The following TENM2 variants were observed in gnomAD, a reference collection of about 807,000 sequenced individuals.
TENM2 encodes the protein teneurin-2.
Under a neutral mutation model 245.2 loss-of-function variants are expected in TENM2, and 52 were observed. The ratio of observed to expected loss-of-function variants is 0.21; its 90% CI spans 0.17 to 0.27. The LOEUF is 0.27. Ranked by LOEUF, TENM2 falls within the 10% of genes least tolerant of loss-of-function variation. The pLI, the probability that TENM2 is intolerant of heterozygous loss-of-function variation, is 1.00. For synonymous variants in TENM2, 1,363 were observed against 1,438.9 expected (o/e 0.95, Z 1.19); for missense variants, 3,046 against 3,666.8 (o/e 0.83, Z 4.37).
intron 7 of TENM2, among the ~76,000 whole-genome samples, chr5:168,067,642 A>T (rs1790625510): frequency 6.6e-6 from 1 of 152,154 alleles, no homozygotes; most frequent in African/African-American, 2.4e-5. Flanking sequence ...TAAGTAAGCA[A>T]ACCTGCACAT....
chr5:167,396,302 A>G (rs1218914295), intron 2 of TENM2, among the ~76,000 whole-genome samples: 1 of 152,168 alleles, frequency 6.6e-6, no homozygotes, highest in Non-Finnish European at 1.5e-5. Context: ...ATCCTGCCAT[A>G]TGATACAACA....
At chr5:167,212,441 AACTGCTAAATG>A in the TENM2 span, among the ~76,000 whole-genome samples, 1 of 152,150 alleles carries the variant, frequency 6.6e-6, no homozygotes, top group African/African-American at 2.4e-5. Flanking sequence ...CTTGAAAATT[AACTGCTAAATG>A]ACTTTGAAGA....
At chr5:167,473,533 C>T (rs772391902) in intron 2 of TENM2, among the ~76,000 whole-genome samples, 6 of 151,994 alleles carry the variant, frequency 3.9e-5, no homozygotes, top group South Asian at 4.1e-4. Flanking sequence ...CTTTTATTGC[C>T]GTATATTCTA....
chr5:167,280,413 G>A (rs949629977), upstream of TENM2, among the ~76,000 whole-genome samples: 1 of 152,156 alleles, frequency 6.6e-6, no homozygotes, highest in Non-Finnish European at 1.5e-5. Context: ...AGCACCCTGT[G>A]AAGAGGAGAG....
chr5:168,047,522 G>A lies in TENM2; in HGVS notation c.1282G>A (p.Val428Met), dbSNP rs566332824. The change falls in exon 6 of 29, where the codon GTG (valine) becomes ATG (methionine). Residue 428 changes from valine (V) to methionine (M), a missense_variant. Val to Met is a conservative substitution (Grantham distance 21). This residue lies in a region of TENM2 where 2,704 missense variants were observed against 3,331.9 expected (regional missense o/e 0.81). Transcript: ENST00000518659. Reference sequence around the variant, plus strand: ...GACCGGCTTACCAGGAAACGATGATGTGGCAACAATGCCATCTGGAGGCAA... The same window carrying A: ...GACCGGCTTACCAGGAAACGATGATATGGCAACAATGCCATCTGGAGGCAA... The A allele has an allele frequency of 5.8e-6, 9 of 1,551,744 alleles. No homozygotes were observed. In the East Asian group the frequency reaches 1.5e-4, roughly 25 times the overall value.
At chr5:167,491,021 G>A (rs1768398325) in intron 2 of TENM2, among the ~76,000 whole-genome samples, 1 of 152,088 alleles carries the variant, frequency 6.6e-6, no homozygotes, top group African/African-American at 2.4e-5. Context: ...ATTTGTCTAG[G>A]AATCAATCAC....
At chr5:167,351,055 A>G (rs796222049) in intron 1 of TENM2, among the ~76,000 whole-genome samples, 1 of 76,608 alleles carries the variant, frequency 1.3e-5, no homozygotes, top group Admixed American at 1.6e-4. Context: ...TATATATGGG[A>G]TATATACATA....
At chr5:167,178,391 C>T in the TENM2 span, among the ~76,000 whole-genome samples, 6 of 152,256 alleles carry the variant, frequency 3.9e-5, no homozygotes, top group African/African-American at 9.6e-5. Flanking sequence ...TTTATTAAAG[C>T]GGCTCCAGAA....
At chr5:167,774,438 C>T (rs932480492) in intron 2 of TENM2, among the ~76,000 whole-genome samples, 2 of 152,210 alleles carry the variant, frequency 1.3e-5, no homozygotes, top group African/African-American at 4.8e-5. Flanking sequence ...ACTCCATGGT[C>T]TTCTTTAGAC....
At chr5:168,143,241 TA>T (rs943451721) in intron 12 of TENM2, among the ~76,000 whole-genome samples, 8 of 151,314 alleles carry the variant, frequency 5.3e-5, no homozygotes, top group African/African-American at 7.3e-5. Flanking sequence ...AAAATTGTTC[TA>T]GGGGTAGATG....
At chr5:167,271,148 G>A in the TENM2 span, among the ~76,000 whole-genome samples, 2 of 152,254 alleles carry the variant, frequency 1.3e-5, no homozygotes, top group South Asian at 4.1e-4. Flanking sequence ...TAGGTTTTGA[G>A]GCTGCAGGCT....
chr5:167,384,706 G>GCA (rs142760328), intron 2 of TENM2, among the ~76,000 whole-genome samples: 25,992 of 151,742 alleles, frequency 0.17, 2,330 homozygotes, highest in Non-Finnish European at 0.19. Flanking sequence ...ACGCGTGCGC[G>GCA]CACACACGCA....
intron 2 of TENM2, among the ~76,000 whole-genome samples, chr5:167,831,903 A>C (rs1175653217): frequency 6.6e-6 from 1 of 152,110 alleles, no homozygotes; most frequent in Non-Finnish European, 1.5e-5. Context: ...GCAGCCGTGC[A>C]GTTATTGTTT....
At chr5:167,777,663 G>T (rs555477143) in intron 2 of TENM2, among the ~76,000 whole-genome samples, 1 of 152,224 alleles carries the variant, frequency 6.6e-6, no homozygotes, top group Admixed American at 6.5e-5. Context: ...AGCCAGGGTT[G>T]TTGTGAAGAT....
At chr5:168,210,714 G>T (rs994506065) in intron 19 of TENM2, among the ~76,000 whole-genome samples, 1 of 151,918 alleles carries the variant, frequency 6.6e-6, no homozygotes, top group African/African-American at 2.4e-5. Context: ...AGAGGACTGA[G>T]CTACACCTGA....
At chr5:168,133,901 T>A (rs1432879384) in intron 12 of TENM2, among the ~76,000 whole-genome samples, 2 of 152,178 alleles carry the variant, frequency 1.3e-5, no homozygotes, top group Non-Finnish European at 2.9e-5. Flanking sequence ...ATGCCTGTAA[T>A]CCCAGCACTT....
intron 1 of TENM2, among the ~76,000 whole-genome samples, chr5:167,305,030 C>T (rs936407624): frequency 6.6e-6 from 1 of 152,144 alleles, no homozygotes; most frequent in African/African-American, 2.4e-5. Context: ...GGGATCATAG[C>T]CAGTCTGAAG....
chr5:167,045,980 A>T, the TENM2 span, among the ~76,000 whole-genome samples: 18 of 152,342 alleles, frequency 1.2e-4, no homozygotes, highest in Admixed American at 9.8e-4. Context: ...TTTCTCCTAG[A>T]GAGATAGATC....
intron 10 of TENM2, among the ~76,000 whole-genome samples, chr5:168,123,136 A>T (rs68102428): frequency 0.014 from 458 of 32,908 alleles, 3 homozygotes; most frequent in African/African-American, 0.049. Flanking sequence ...ATTTCTAGAG[A>T]AAAAAAAAAA....
Sources: allele counts gnomAD v4.1 joint callset (sites outside exome capture counted in the v4.1 genomes callset), GRCh38; gene constraint gnomAD v4.1.1; regional missense constraint gnomAD v4.1.1; transcripts MANE v1.5; gene names NCBI Gene and HGNC (gene_info 2026-07-23, HGNC 2026-07-21).